Variants in SYNE2 observed in about 807,000 individuals in gnomAD.
The protein encoded by SYNE2 is spectrin repeat containing nuclear envelope protein 2.
In SYNE2, 431 loss-of-function variants were observed where a neutral mutation model predicts 856.3. The ratio of observed to expected loss-of-function variants is 0.50; its 90% CI spans 0.47 to 0.55. SYNE2 has a LOEUF of 0.55. SYNE2 is among the 20% of genes least tolerant of loss of function. SYNE2 has a pLI of 0.00. For missense variants in SYNE2, 8,129 were observed against 8,023.2 expected, an observed-to-expected ratio of 1.01 and a Z score of -0.50; for synonymous variants, 2,923 against 2,872.3, an observed-to-expected ratio of 1.02 and a Z score of -0.56.
chr14:64,225,726 G>A lies in SYNE2; in HGVS notation c.*200G>A. 1.6e-6 allele frequency: 1 copy of A among 635,754 alleles called. No individual in the cohort carries two copies. Among genetic ancestry groups the A allele is most frequent in the Non-Finnish European group, 2.8e-6 (1 of 356,772 alleles). The allele number at this position is 635,754 out of a possible 1,614,324, so 39.4% of individuals were successfully genotyped here. A position where few individuals can be genotyped will look rare whatever the true frequency, so the allele number is the denominator to read the frequency against. ...GTTCCTCCCCAGGAGCAGGGAACCTGTGTGGCAGGTGCCCCGGGTATTTTG... is the reference window on the plus strand; with the variant it reads ...GTTCCTCCCCAGGAGCAGGGAACCTATGTGGCAGGTGCCCCGGGTATTTTG... On this transcript the variant is annotated 3_prime_UTR_variant, in exon 116 of 116. Transcript: ENST00000555002.
intron 63 of SYNE2, among the ~76,000 whole-genome samples, chr14:64,100,708 A>G (rs963025415): frequency 5.3e-5 from 8 of 150,972 alleles, no homozygotes; most frequent in East Asian, 1.9e-4. Flanking sequence ...TACTCTCTTC[A>G]TGATTTTCAA....
intron 1 of SYNE2, among the ~76,000 whole-genome samples, chr14:63,879,117 A>G (rs951366240): frequency 2.0e-5 from 3 of 152,212 alleles, no homozygotes; most frequent in Non-Finnish European, 2.9e-5. Flanking sequence ...CTCATAAGCC[A>G]AGAAGACTGT....
chr14:64,183,600 C>T (rs376214213), intron 96 of SYNE2, among the ~76,000 whole-genome samples: 3,256 of 152,214 alleles, frequency 0.021, 80 homozygotes, highest in East Asian at 0.1. Context: ...GCCGAGATCA[C>T]GCCACTGCAC....
intron 31 of SYNE2, among the ~76,000 whole-genome samples, chr14:64,009,693 G>C (rs895236541): frequency 2.0e-5 from 3 of 152,088 alleles, no homozygotes; most frequent in Admixed American, 2.0e-4. Context: ...ATTCCTTAGG[G>C]TGATGAATCT....
chr14:63,977,461 C>T (rs898657788), intron 12 of SYNE2, among the ~76,000 whole-genome samples: 1 of 152,200 alleles, frequency 6.6e-6, no homozygotes, highest in African/African-American at 2.4e-5. Flanking sequence ...ATCTGCCCAC[C>T]TCGGCCTCCC....
chr14:63,881,578 T>C (rs1423548530), intron 1 of SYNE2, among the ~76,000 whole-genome samples: 1 of 149,202 alleles, frequency 6.7e-6, no homozygotes, highest in Non-Finnish European at 1.5e-5. Flanking sequence ...TATACTTATA[T>C]ATTTATGGAA....
chr14:64,141,266 C>T lies in SYNE2; in HGVS notation c.14977-75C>T. 3 of 1,215,854 alleles carry T rather than the reference C, an allele frequency of 2.5e-6. No individual in the cohort carries two copies. In the South Asian group the frequency reaches 4.0e-5, roughly 16 times the overall value. 75.3% of individuals were successfully genotyped at this position (1,215,854 alleles called of 1,614,324 possible). ...TATTTACTATGTTTATTTGTTGACTCTAGCCAGTTATTCCGACTCTTACTT... is the reference window on the plus strand; with the variant it reads ...TATTTACTATGTTTATTTGTTGACTTTAGCCAGTTATTCCGACTCTTACTT... On this transcript the variant is annotated intron_variant, in intron 80 of 115. Transcript: ENST00000555002.
intron 34 of SYNE2, 140 bp downstream of exon 34, chr14:64,017,896 T>C (rs2096905698): frequency 2.3e-6 from 2 of 852,362 alleles, no homozygotes; most frequent in South Asian, 3.2e-5. Flanking sequence ...TGGATCATTA[T>C]TCAGTTGTTG....
intron 1 of SYNE2, among the ~76,000 whole-genome samples, chr14:63,785,458 A>AAAAAC (rs1188001015): frequency 1.3e-5 from 2 of 152,080 alleles, no homozygotes; most frequent in East Asian, 1.9e-4. Context: ...ACCCCATCTC[A>AAAAAC]AAAACAAAAC....
chr14:63,887,170 A>G (rs940340833), intron 1 of SYNE2, among the ~76,000 whole-genome samples: 7 of 152,008 alleles, frequency 4.6e-5, no homozygotes, highest in Middle Eastern at 3.4e-3. Context: ...AGTCCCAGCT[A>G]TTGGGGAGGC....
chr14:64,112,967 AT>A, intron 65 of SYNE2: 3 of 980,826 alleles, frequency 3.1e-6, no homozygotes, highest in Non-Finnish European at 3.6e-6. Flanking sequence ...CAATGTAAGC[AT>A]TGCTTAATCA....
intron 2 of SYNE2, among the ~76,000 whole-genome samples, chr14:63,918,865 T>C (rs1473052061): frequency 6.6e-6 from 1 of 152,216 alleles, no homozygotes; most frequent in Non-Finnish European, 1.5e-5. Flanking sequence ...AAACACTTAA[T>C]ATCTTTCCAA....
chr14:64,167,493 A>G lies in SYNE2; in HGVS notation c.16761-2A>G. On this transcript the variant is annotated splice_acceptor_variant, in intron 91 of 115. Coordinates refer to ENST00000555002, the MANE Select transcript of SYNE2 (RefSeq NM_182914.3). LOFTEE classifies it high-confidence loss of function. ...GGTGTGTTTTGTTTTAAACCTTTGT[A>G]GTGAGCTTCAGGGAATTGGATTGAA... 6.2e-7 allele frequency: 1 copy of G among 1,614,218 alleles called. No homozygotes were observed. The highest frequency in any genetic ancestry group is 8.5e-7 in the Non-Finnish European group (1 of 1,180,040).
At chr14:63,877,725 T>C (rs1220409099) in intron 1 of SYNE2, among the ~76,000 whole-genome samples, 2 of 152,138 alleles carry the variant, frequency 1.3e-5, no homozygotes, top group African/African-American at 2.4e-5. Context: ...CTTTCATGAG[T>C]AGATGTGTTC....
intron 61 of SYNE2, among the ~76,000 whole-genome samples, chr14:64,097,142 A>C (rs1006710709): frequency 6.6e-6 from 1 of 152,232 alleles, no homozygotes; most frequent in East Asian, 1.9e-4. Context: ...CATATCTGCC[A>C]TGAATAAGAA....
At chr14:63,894,968 G>C (rs1430254859) in intron 1 of SYNE2, among the ~76,000 whole-genome samples, 1 of 152,138 alleles carries the variant, frequency 6.6e-6, no homozygotes, top group Non-Finnish European at 1.5e-5. Context: ...TTTTCCGTAG[G>C]GATGCTTTAG....
Position 64,003,161 on chromosome 14 carries a change from T to G in SYNE2, c.4228T>G (p.Leu1410Val). Residue 1410 changes from leucine to valine, a missense_variant, in exon 30 of 116, where the codon TTA becomes GTA. Coordinates refer to ENST00000555002, the MANE Select transcript of SYNE2 (RefSeq NM_182914.3). Reference protein sequence around the residue: ...ENLLDAFSIKLSETHGYGVQE... With the variant: ...ENLLDAFSIKVSETHGYGVQE... ...CCTGCTTGATGCTTTTTCAATAAAG[T>G]TATCTGAGACACATGGCTATGGGGT... 6.2e-7 allele frequency: 1 copy of G among 1,614,164 alleles called. No homozygotes were observed.
chr14:64,089,211 T>C (rs540626949), intron 58 of SYNE2, among the ~76,000 whole-genome samples: 1 of 151,016 alleles, frequency 6.6e-6, no homozygotes, highest in Non-Finnish European at 1.5e-5. Context: ...ACTAAAAATA[T>C]AAAAATTAAC....
intron 1 of SYNE2, among the ~76,000 whole-genome samples, chr14:63,879,489 T>C (rs892995414): frequency 6.6e-6 from 1 of 152,162 alleles, no homozygotes; most frequent in Non-Finnish European, 1.5e-5. Flanking sequence ...ATAAATAGTG[T>C]GTAGCTGTTC....
Sources: allele counts gnomAD v4.1 joint callset (sites outside exome capture counted in the v4.1 genomes callset), GRCh38; gene constraint gnomAD v4.1.1; transcripts MANE v1.5; gene names NCBI Gene and HGNC (gene_info 2026-07-23, HGNC 2026-07-21).